Variants in INHBE observed in about 807,000 individuals in gnomAD.
The protein encoded by INHBE is inhibin subunit beta E.
Under a neutral mutation model 27.8 loss-of-function variants are expected in INHBE, and 19 were observed. The observed-to-expected ratio is 0.68, with a 90% CI of 0.48 to 1.00. The LOEUF (loss-of-function observed/expected upper bound fraction) is 1.00, where lower values mean the gene tolerates loss of function less well. Ranked by LOEUF, INHBE falls within the 50% of genes least tolerant of loss-of-function variation. The pLI, the probability that INHBE is intolerant of heterozygous loss-of-function variation, is 0.00. For synonymous variants in INHBE, 196 were observed against 187.2 expected, an observed-to-expected ratio of 1.05 and a Z score of -0.38; for missense variants, 398 against 433.9, an observed-to-expected ratio of 0.92 and a Z score of 0.73.
At chr12:57,456,033 G>A (rs907524242) in intron 1 of INHBE, 61 bp from the exon 2 acceptor site, 1 of 1,545,554 alleles carries the variant, frequency 6.5e-7, no homozygotes, top group South Asian at 1.2e-5. Flanking sequence ...GGCTTGGGGA[G>A]TCTCAGAGGA....
chr12:57,456,745 C>T lies in INHBE; in HGVS notation c.950C>T (p.Pro317Leu). 6.2e-7 allele frequency: 1 copy of T among 1,614,234 alleles called. No homozygotes were observed. The highest frequency in any genetic ancestry group is 8.5e-7 in the Non-Finnish European group (1 of 1,180,038). The stretch of plus-strand genomic sequence containing the variant: ...CCTGCCAGTACCTCCTGTTGTGTCC[C>T]TACTGCCCGAAGGCCCCTCTCTCTC... ...PWPASTSCCV[P>L]TARRPLSLLY... The change falls in exon 2 of 2, where the codon CCT becomes CTT. Residue 317 changes from proline to leucine, a missense_variant. Coordinates refer to ENST00000266646, the MANE Select transcript of INHBE (RefSeq NM_031479.5).
Position 57,455,855 on chromosome 12 carries a change from C to A in INHBE, c.298+21C>A, listed in dbSNP as rs767585307. 1.9e-6 allele frequency: 3 copies of A among 1,607,490 alleles called. No individual in the cohort carries two copies. The South Asian group carries it at 3.3e-5, about 18-fold the overall frequency. On this transcript the variant is annotated intron_variant, in intron 1 of 1. Coordinates refer to ENST00000266646, the MANE Select transcript of INHBE (RefSeq NM_031479.5). ...CACAGGTGGGTGAGGGAGAGAGCAA[C>A]AGGCAAAGAGCAGACAGGGAAAGGG...
In INHBE at chr12:57,455,604, G is replaced by A. The variant is rs1320918469; in HGVS notation, c.68G>A (p.Gly23Glu). 6.2e-7 allele frequency: 1 copy of A among 1,613,976 alleles called. No homozygotes were observed. Among genetic ancestry groups the A allele is most frequent in the Non-Finnish European group, 8.5e-7 (1 of 1,179,988 alleles). The change falls in exon 1 of 2, where the codon GGG (glycine) becomes GAG (glutamate). Residue 23 changes from glycine (G) to glutamate (E), a missense_variant. Coordinates refer to ENST00000266646, the MANE Select transcript of INHBE (RefSeq NM_031479.5). ...LWALVRAQGT[G>E]SVCPSCGGSK... ...GCACTGGTGCGAGCACAGGGGACAG[G>A]GTCTGTGTGTCCCTCCTGTGGGGGC...
In INHBE at chr12:57,456,253, G is replaced by C; in HGVS notation, c.458G>C (p.Gly153Ala). The change falls in exon 2 of 2, where the codon GGG (glycine) becomes GCG (alanine). Residue 153 changes from glycine (G) to alanine (A), a missense_variant. Transcript: ENST00000266646. Reference protein sequence around the residue: ...FRWGPRRRRQGSRTLLAEHHI... With the variant: ...FRWGPRRRRQASRTLLAEHHI... ...TGGGGACCAAGGAGGAGGCGCCAAG[G>C]GTCCCGCACTCTCCTGGCTGAGCAC... is the stretch of plus-strand genomic sequence containing the variant. The C allele has an allele frequency of 1.2e-6, 2 of 1,614,046 alleles. No homozygotes were observed. The highest frequency in any genetic ancestry group is 1.7e-6 in the Non-Finnish European group (2 of 1,180,016).
At position 57,456,805 on chromosome 12, in the gene INHBE, C is replaced by A. The variant is rs760258476; in HGVS notation, c.1010C>A (p.Thr337Lys). The part of the protein sequence containing the change: ...YLDHNGNVVK[T>K]DVPDMVVEAC... ...GATCATAATGGCAATGTGGTCAAGACGGATGTGCCAGATATGGTGGTGGAG... is the reference window on the plus strand; with the variant it reads ...GATCATAATGGCAATGTGGTCAAGAAGGATGTGCCAGATATGGTGGTGGAG... Residue 337 changes from threonine (T) to lysine (K), a missense_variant, in exon 2 of 2, where the codon ACG becomes AAG. Coordinates refer to ENST00000266646, the MANE Select transcript of INHBE (RefSeq NM_031479.5). 1.9e-6 allele frequency: 3 copies of A among 1,613,978 alleles called. No individual in the cohort carries two copies. Among genetic ancestry groups the A allele is most frequent in the Non-Finnish European group, 2.5e-6 (3 of 1,179,986 alleles).
rs1870827371 is a variant in INHBE, at chr12:57,456,231, G to T, written c.436G>T (p.Gly146Ter). 6.2e-7 allele frequency: 1 copy of T among 1,613,942 alleles called. No homozygotes were observed. Among genetic ancestry groups the T allele is most frequent in the Non-Finnish European group, 8.5e-7 (1 of 1,180,006 alleles). Residue 146 changes from glycine (G) to a stop codon, truncating the protein, a stop_gained, in exon 2 of 2, where the codon GGA becomes TGA. Transcript: ENST00000266646. LOFTEE classifies it high-confidence loss of function. ...TCTTTGCTTGAGGATCTTCCGATGG[G>T]GACCAAGGAGGAGGCGCCAAGGGTC... Reference protein sequence around the residue: ...GTLCLRIFRWGPRRRRQGSRT... With the variant: ...GTLCLRIFRW
rs1870830736 is a variant in INHBE at position 57,456,333 on chromosome 12, G to A, written c.538G>A (p.Gly180Ser). Residue 180 changes from glycine to serine, a missense_variant, in exon 2 of 2, where the codon GGT becomes AGT. Coordinates refer to ENST00000266646, the MANE Select transcript of INHBE (RefSeq NM_031479.5). ...AACTCTGCCCTCTAGTGGCTTGAGGGGTGAGAAGTCTGGTGTCCTGAAACT... is the reference window on the plus strand; with the variant it reads ...AACTCTGCCCTCTAGTGGCTTGAGGAGTGAGAAGTCTGGTGTCCTGAAACT... ...TLTLPSSGLR[G>S]EKSGVLKLQL... 3.1e-6 allele frequency: 5 copies of A among 1,614,124 alleles called. No homozygotes were observed. Among genetic ancestry groups the A allele is most frequent in the Non-Finnish European group, 4.2e-6 (5 of 1,180,030 alleles).
chr12:57,455,961 G>T lies in INHBE; in HGVS notation c.298+127G>T. The T allele has an allele frequency of 2.2e-6, 3 of 1,368,410 alleles. No individual in the cohort carries two copies. The South Asian group carries it at 3.9e-5, about 18-fold the overall frequency. The allele number at this position is 1,368,410 out of a possible 1,614,324, so 84.8% of individuals were successfully genotyped here. A position where few individuals can be genotyped will look rare whatever the true frequency, so the allele number is the denominator to read the frequency against. ...GGAGGAGCTGGGGCAGGGACTGGTT[G>T]CAGAGGACACAAAGCAGTCTCTACT... On this transcript the variant is annotated intron_variant, in intron 1 of 1. Coordinates refer to ENST00000266646, the MANE Select transcript of INHBE (RefSeq NM_031479.5).
In INHBE at chr12:57,456,494, C is replaced by T; in HGVS notation, c.699C>T (p.Ala233=). The T allele has an allele frequency of 6.2e-7, 1 of 1,614,162 alleles. No homozygotes were observed. Among genetic ancestry groups the T allele is most frequent in the Non-Finnish European group, 8.5e-7 (1 of 1,180,036 alleles). The change falls in exon 2 of 2, where the codon GCC becomes GCT. Residue 233 remains alanine (A), a synonymous_variant. Transcript: ENST00000266646. ...CCAATGAGCCTGGAGCAGGCCGGGCCAGGAGGAGGACCCCCACCTGTGAGC... is the reference window on the plus strand; with the variant it reads ...CCAATGAGCCTGGAGCAGGCCGGGCTAGGAGGAGGACCCCCACCTGTGAGC... The part of the protein sequence containing the change: ...IRANEPGAGR[A]RRRTPTCEPA...
Position 57,456,191 on chromosome 12 carries a change from C to A in INHBE, c.396C>A (p.Pro132=). The A allele has an allele frequency of 6.2e-7, 1 of 1,614,118 alleles. No homozygotes were observed. The highest frequency in any genetic ancestry group is 8.5e-7 in the Non-Finnish European group (1 of 1,180,014). The change falls in exon 2 of 2, where the codon CCC becomes CCA. Residue 132 remains proline (P), a synonymous_variant. Transcript: ENST00000266646. ...CCCGCCTGTGGCTGCACGTGCTCCC[C>A]ACCCTTCCTGGCACTCTTTGCTTGA... is the stretch of plus-strand genomic sequence containing the variant. ...YHARLWLHVL[P]TLPGTLCLRI...
Position 57,455,662 on chromosome 12 carries a change from G to T in INHBE, c.126G>T (p.Leu42=), listed in dbSNP as rs1301049727. ...SKLAPQAERA[L]VLELAKQQIL... ...TGGCACCCCAAGCAGAACGAGCTCT[G>T]GTGCTGGAGCTAGCCAAGCAGCAAA... The change falls in exon 1 of 2, where the codon CTG becomes CTT. Residue 42 remains leucine (L), a synonymous_variant. Transcript: ENST00000266646. The T allele has an allele frequency of 6.2e-7, 1 of 1,614,094 alleles. No homozygotes were observed.
chr12:57,456,474 G>A lies in INHBE; in HGVS notation c.679G>A (p.Glu227Lys). 6.2e-7 allele frequency: 1 copy of A among 1,614,144 alleles called. No homozygotes were observed. Among genetic ancestry groups the A allele is most frequent in the Non-Finnish European group, 8.5e-7 (1 of 1,180,030 alleles). Residue 227 changes from glutamate (E) to lysine (K), a missense_variant, in exon 2 of 2, where the codon GAG becomes AAG. Physicochemically the swap from Glu to Lys is moderately conservative, Grantham distance 56. Transcript: ENST00000266646. ...PFLELKIRAN[E>K]PGAGRARRRT... is the part of the protein sequence containing the mutation. ...CCTAGAGCTTAAGATCCGAGCCAATGAGCCTGGAGCAGGCCGGGCCAGGAG... is the reference window on the plus strand; with the variant it reads ...CCTAGAGCTTAAGATCCGAGCCAATAAGCCTGGAGCAGGCCGGGCCAGGAG...
chr12:57,455,925 T>C lies in INHBE; in HGVS notation c.298+91T>C. ...CAGGAGCAGCAGAGGGAGTGGGGTGTGGCAGGAGAAGGAGGAGCTGGGGCA... is the reference window on the plus strand; with the variant it reads ...CAGGAGCAGCAGAGGGAGTGGGGTGCGGCAGGAGAAGGAGGAGCTGGGGCA... On this transcript the variant is annotated intron_variant, in intron 1 of 1. Coordinates refer to ENST00000266646, the MANE Select transcript of INHBE (RefSeq NM_031479.5). 4.3e-6 allele frequency: 6 copies of C among 1,411,158 alleles called. No homozygotes were observed. The South Asian group carries it at 7.6e-5, about 18-fold the overall frequency. 87.4% of individuals were successfully genotyped at this position (1,411,158 alleles called of 1,614,324 possible).
chr12:57,455,741 C>A lies in INHBE; in HGVS notation c.205C>A (p.Gln69Lys). Residue 69 changes from glutamine (Q) to lysine (K), a missense_variant, in exon 1 of 2, where the codon CAG becomes AAG. By Grantham distance (53) the Gln-to-Lys change is moderately conservative (BLOSUM62 1). Coordinates refer to ENST00000266646, the MANE Select transcript of INHBE (RefSeq NM_031479.5). ...TCCCAGAATAACTCATCCTCCACCCCAGGCAGCGCTGACCAGAGCCCTCCG... is the reference window on the plus strand; with the variant it reads ...TCCCAGAATAACTCATCCTCCACCCAAGGCAGCGCTGACCAGAGCCCTCCG... ...SRPRITHPPP[Q>K]AALTRALRRL... The A allele has an allele frequency of 1.9e-6, 3 of 1,614,004 alleles. No individual in the cohort carries two copies. Among genetic ancestry groups the A allele is most frequent in the Non-Finnish European group, 2.5e-6 (3 of 1,179,926 alleles).
rs1378485871 is a variant in INHBE, at chr12:57,455,520, G to T, written c.-17G>T. On this transcript the variant is annotated 5_prime_UTR_variant, in exon 1 of 2. Transcript: ENST00000266646. ...CTGCCATCCGAGGCTCCTGAACCAG[G>T]GCCATTCACCAGGAGCATGCGGCTC... 6 of 1,589,986 alleles carry T rather than the reference G, an allele frequency of 3.8e-6. No individual in the cohort carries two copies. In the African/African-American group the frequency reaches 8.1e-5, roughly 21 times the overall value.
rs747468719 is a variant in INHBE at position 57,456,634 on chromosome 12, G to A, written c.839G>A (p.Cys280Tyr). 6.2e-7 allele frequency: 1 copy of A among 1,614,182 alleles called. No homozygotes were observed. The highest frequency in any genetic ancestry group is 2.2e-5 in the East Asian group (1 of 44,884). The change falls in exon 2 of 2, where the codon TGC (cysteine) becomes TAC (tyrosine). Residue 280 changes from cysteine (C) to tyrosine (Y), a missense_variant. Coordinates refer to ENST00000266646, the MANE Select transcript of INHBE (RefSeq NM_031479.5). ...CAGCTGAATTACTGCAGTGGGCAGT[G>A]CCCTCCCCACCTGGCTGGCAGCCCA... ...GYQLNYCSGQ[C>Y]PPHLAGSPGI... is the part of the protein sequence containing the mutation.
At position 57,455,715 on chromosome 12, in the gene INHBE, G is replaced by T. The variant is rs759724249; in HGVS notation, c.179G>T (p.Arg60Leu). Reference protein sequence around the residue: ...QILDGLHLTSRPRITHPPPQA... With the variant: ...QILDGLHLTSLPRITHPPPQA... ...CTGGATGGGTTGCACCTGACCAGTC[G>T]TCCCAGAATAACTCATCCTCCACCC... Residue 60 changes from arginine to leucine, a missense_variant, in exon 1 of 2, where the codon CGT becomes CTT. Coordinates refer to ENST00000266646, the MANE Select transcript of INHBE (RefSeq NM_031479.5). 2 of 1,613,992 alleles carry T rather than the reference G, an allele frequency of 1.2e-6. No individual in the cohort carries two copies. Among genetic ancestry groups the T allele is most frequent in the Admixed American group, 3.3e-5 (2 of 60,004 alleles).
rs1594735445 is a variant in INHBE at position 57,457,287 on chromosome 12, T to A, written c.*439T>A. 6.1e-6 allele frequency: 1 copy of A among 163,634 alleles called. No homozygotes were observed. Among genetic ancestry groups the A allele is most frequent in the South Asian group, 1.7e-4 (1 of 5,970 alleles). 10.1% of individuals were successfully genotyped at this position (163,634 alleles called of 1,614,324 possible). ...TGGCCCAGGGTAAGGGCTGTTGAGG[T>A]ACCTTAAGGGAAGGTCAAGAGGGAG... On this transcript the variant is annotated 3_prime_UTR_variant, in exon 2 of 2. Coordinates refer to ENST00000266646, the MANE Select transcript of INHBE (RefSeq NM_031479.5).
At position 57,457,082 on chromosome 12, in the gene INHBE, G is replaced by A. The variant is rs936879053; in HGVS notation, c.*234G>A. 1.4e-5 allele frequency: 6 copies of A among 442,572 alleles called. No homozygotes were observed. The highest frequency in any genetic ancestry group is 2.7e-5 in the South Asian group (1 of 37,674). The allele number at this position is 442,572 out of a possible 1,614,324, so 27.4% of individuals were successfully genotyped here. The stretch of plus-strand genomic sequence containing the variant: ...TGGGTAAAGCGTTTCTTCTAAAGGG[G>A]TCTACCCAGAAAGCATGATTTCCTG... On this transcript the variant is annotated 3_prime_UTR_variant, in exon 2 of 2. Coordinates refer to ENST00000266646, the MANE Select transcript of INHBE (RefSeq NM_031479.5).
Sources: allele counts gnomAD v4.1 joint callset, GRCh38; gene constraint gnomAD v4.1.1; transcripts MANE v1.5; gene names NCBI Gene and HGNC (gene_info 2026-07-23, HGNC 2026-07-21).